INTS15: variants seen among roughly 807,000 people sequenced by gnomAD.
The protein encoded by INTS15 is integrator complex subunit 15.
the INTS15 span, among the ~76,000 whole-genome samples, chr7:6,595,416 G>A: frequency 6.6e-6 from 1 of 152,132 alleles, no homozygotes; most frequent in East Asian, 1.9e-4. Flanking sequence ...CTCCCACCTC[G>A]GCCTCCTAAA....
At chr7:6,591,079 C>A in the INTS15 span, among the ~76,000 whole-genome samples, 1 of 147,612 alleles carries the variant, frequency 6.8e-6, no homozygotes, top group Non-Finnish European at 1.5e-5. Flanking sequence ...GCTCAAGATT[C>A]TCTCTCCTTG....
the INTS15 span, among the ~76,000 whole-genome samples, chr7:6,604,883 A>G: frequency 6.6e-6 from 1 of 152,178 alleles, no homozygotes; most frequent in Admixed American, 6.6e-5. Flanking sequence ...AGTCTCTGGG[A>G]TAAGACTGTC....
At chr7:6,591,565 A>G in the INTS15 span, 5 of 1,297,000 alleles carry the variant, frequency 3.9e-6, no homozygotes, top group South Asian at 1.2e-5. Context: ...CGCCCAGTCT[A>G]TTTCCTGTTT....
At chr7:6,608,589 A>G in the INTS15 span, 1 of 993,722 alleles carries the variant, frequency 1.0e-6, no homozygotes, top group Non-Finnish European at 1.2e-6. Context: ...CAGGCTGCGT[A>G]GTGACCACAA....
chr7:6,599,825 G>C, the INTS15 span: 1 of 1,611,180 alleles, frequency 6.2e-7, no homozygotes, highest in South Asian at 1.1e-5. Flanking sequence ...GTCTTTGTTT[G>C]CAGATGACCT....
chr7:6,597,420 G>A, the INTS15 span, among the ~76,000 whole-genome samples: 1 of 151,966 alleles, frequency 6.6e-6, no homozygotes, highest in African/African-American at 2.4e-5. Context: ...TCAGCCTCCT[G>A]AGTAGCTGGG....
chr7:6,601,979 C>G, the INTS15 span: 3 of 857,006 alleles, frequency 3.5e-6, no homozygotes, highest in East Asian at 2.6e-5. Context: ...CTAAATGACA[C>G]TAGGGAAATG....
At chr7:6,608,319 C>T in the INTS15 span, 4 of 1,431,262 alleles carry the variant, frequency 2.8e-6, 1 homozygote, top group South Asian at 5.8e-5. Flanking sequence ...TGCTTCCCAC[C>T]CGGTCGCATT....
At chr7:6,591,391 C>G in the INTS15 span, among the ~76,000 whole-genome samples, 11 of 151,378 alleles carry the variant, frequency 7.3e-5, no homozygotes, top group African/African-American at 2.7e-4. Flanking sequence ...CTAAGCCTCC[C>G]GAGTAGCTGG....
the INTS15 span, among the ~76,000 whole-genome samples, chr7:6,599,094 G>C: frequency 6.6e-6 from 1 of 152,138 alleles, no homozygotes; most frequent in Non-Finnish European, 1.5e-5. Flanking sequence ...TACTTTCGAC[G>C]AGTCCTGGGG....
chr7:6,597,120 C>T, the INTS15 span, among the ~76,000 whole-genome samples: 3,530 of 152,260 alleles, frequency 0.023, 65 homozygotes, highest in Middle Eastern at 0.051. Flanking sequence ...GCAGTTTCCT[C>T]GTGGAATGGG....
At chr7:6,607,394 T>TGCGGGGGGACG in the INTS15 span, 1 of 343,190 alleles carries the variant, frequency 2.9e-6, no homozygotes, top group Non-Finnish European at 4.7e-6. The surrounding 1 kb of genome is among the most constrained non-coding windows in gnomAD (Gnocchi z 6.0). Context: ...CTGGGCGGGG[T>TGCGGGGGGACG]GGGTGCCCAA....
the INTS15 span, chr7:6,590,575 C>G: frequency 2.1e-6 from 3 of 1,395,536 alleles, no homozygotes; most frequent in Non-Finnish European, 2.8e-6. Flanking sequence ...CGCCCCATGT[C>G]CAGGATCCCC....
At chr7:6,601,635 G>C in the INTS15 span, among the ~76,000 whole-genome samples, 4 of 149,622 alleles carry the variant, frequency 2.7e-5, no homozygotes, top group Admixed American at 2.7e-4. Flanking sequence ...AAGACAAGGA[G>C]AACTCAGATT....
the INTS15 span, among the ~76,000 whole-genome samples, chr7:6,596,071 AG>A: frequency 6.8e-6 from 1 of 146,988 alleles, no homozygotes; most frequent in South Asian, 2.1e-4. Context: ...TCTTTTTTTG[AG>A]ACAGAGTCTC....
At chr7:6,590,586 G>A in the INTS15 span, 7 of 1,390,416 alleles carry the variant, frequency 5.0e-6, no homozygotes, top group Non-Finnish European at 6.5e-6. Flanking sequence ...CAGGATCCCC[G>A]CGCTCGCGCT....
chr7:6,590,501 C>T, the INTS15 span: 2 of 1,532,154 alleles, frequency 1.3e-6, no homozygotes, highest in Non-Finnish European at 1.8e-6. Context: ...GTCGGGTTCC[C>T]GGGCCCCGCA....
the INTS15 span, chr7:6,608,488 G>A: frequency 8.2e-7 from 1 of 1,219,480 alleles, no homozygotes; most frequent in Non-Finnish European, 1.0e-6. Context: ...AGCCACGGGT[G>A]CAAGCCCGTG....
At chr7:6,593,223 G>C in the INTS15 span, among the ~76,000 whole-genome samples, 1 of 152,030 alleles carries the variant, frequency 6.6e-6, no homozygotes, top group Admixed American at 6.6e-5. Flanking sequence ...TTTCCTTCTA[G>C]TGCAAGAACA....
Sources: gnomAD v4.1 joint callset for allele counts (sites outside exome capture counted in the v4.1 genomes callset) on GRCh38, gnomAD v4.1.1 for gene constraint, Gnocchi (gnomAD v3.1) non-coding constraint, MANE v1.5 for transcripts, NCBI Gene and HGNC (gene_info 2026-07-23, HGNC 2026-07-21) for gene names.